The following PCDHGA2 variants were observed in gnomAD, a reference collection of about 807,000 sequenced individuals.
PCDHGA2 encodes protocadherin gamma-A2.
In PCDHGA2, 40 loss-of-function variants were observed where a neutral mutation model predicts 59.2. The observed-to-expected ratio is 0.68, with a 90% CI of 0.52 to 0.88. The LOEUF (loss-of-function observed/expected upper bound fraction) is 0.88. Ranked by LOEUF, PCDHGA2 falls within the 40% of genes least tolerant of loss-of-function variation. The pLI is 0.00. For synonymous variants in PCDHGA2, 560 were observed against 526.0 expected (o/e 1.06, Z -0.89); for missense variants, 1,226 against 1,204.0 (o/e 1.02, Z -0.27).
At chr5:141,356,697 A>G in intron 1 of PCDHGA2, 3 of 1,613,888 alleles carry the variant, frequency 1.9e-6, no homozygotes, top group Non-Finnish European at 2.5e-6. Context: ...TCCAGGGTGC[A>G]CCTCTGTCCT....
intron 1 of PCDHGA2, among the ~76,000 whole-genome samples, chr5:141,473,390 A>T (rs554428702): frequency 1.3e-5 from 2 of 152,190 alleles, no homozygotes; most frequent in Non-Finnish European, 2.9e-5. Flanking sequence ...GCCCTCCTGG[A>T]GCTTCTTTTT....
chr5:141,505,343 G>C (rs2099845454), intron 2 of PCDHGA2, 50 bp from the exon 3 acceptor site: 1 of 1,612,934 alleles, frequency 6.2e-7, no homozygotes, highest in Non-Finnish European at 8.5e-7. Context: ...GGAGGGGCAT[G>C]AGCTGTGCCG....
At chr5:141,345,274 A>T in intron 1 of PCDHGA2, 1 of 1,614,020 alleles carries the variant, frequency 6.2e-7, no homozygotes, top group Non-Finnish European at 8.5e-7. Context: ...GACCGCGAAC[A>T]AATATCAGAA....
In PCDHGA2 at chr5:141,419,577, C is replaced by A. The variant is rs1182305164; in HGVS notation, c.2425-75230C>A. ...CCTGCGCTGGGTCCCGACGGCTCCG[C>A]GCTCTTCGACACAGTGCCGCGGGCC... On this transcript the variant is annotated intron_variant, in intron 1 of 3. Coordinates refer to ENST00000394576, the MANE Select transcript of PCDHGA2 (RefSeq NM_018915.4). 3.1e-6 allele frequency: 5 copies of A among 1,611,732 alleles called. No individual in the cohort carries two copies. The South Asian group carries it at 5.5e-5, about 18-fold the overall frequency.
intron 1 of PCDHGA2, chr5:141,430,625 G>T: frequency 1.3e-6 from 1 of 788,104 alleles, no homozygotes; most frequent in Non-Finnish European, 1.9e-6. Context: ...AGCTAGGAAT[G>T]AACCATCCCT....
Position 141,408,693 on chromosome 5 carries a change from TAAACTC to T in PCDHGA2, c.2424+67301_2424+67306del, listed in dbSNP as rs1561714743. 1.9e-6 allele frequency: 3 copies of T among 1,613,768 alleles called. No homozygotes were observed. In the African/African-American group the frequency reaches 4.0e-5, roughly 22 times the overall value. On this transcript the variant is annotated intron_variant, in intron 1 of 3. Coordinates refer to ENST00000394576, the MANE Select transcript of PCDHGA2 (RefSeq NM_018915.4). The stretch of plus-strand genomic sequence containing the variant: ...CCTGCCACGGATCCTGATATAAACA[TAAACTC>T]AATTAAAGATTATAAGATAAACTCT...
chr5:141,503,630 A>G, intron 2 of PCDHGA2, among the ~76,000 whole-genome samples: 1 of 152,088 alleles, frequency 6.6e-6, no homozygotes, highest in Admixed American at 6.6e-5. Flanking sequence ...AAGAAAAGAA[A>G]TAATTATTGA....
chr5:141,356,729 A>T, intron 1 of PCDHGA2: 3 of 1,613,954 alleles, frequency 1.9e-6, no homozygotes, highest in Non-Finnish European at 2.5e-6. Context: ...ATCAACTCCA[A>T]TACAGGGATC....
rs1361609314 is a variant in PCDHGA2 at position 141,423,642 on chromosome 5, TGACCC to T, written c.2425-71161_2425-71157del. 6 of 1,596,888 alleles carry T rather than the reference TGACCC, an allele frequency of 3.8e-6. No individual in the cohort carries two copies. In the South Asian group the frequency reaches 5.7e-5, roughly 15 times the overall value. ...ACTCAGCTATCATTTTAGGCAAATGTGACCCGACAAGTAATCAGGTGAGATTTATT... is the reference window on the plus strand; with the variant it reads ...ACTCAGCTATCATTTTAGGCAAATGTGACAAGTAATCAGGTGAGATTTATT... On this transcript the variant is annotated intron_variant, in intron 1 of 3. Transcript: ENST00000394576.
rs746088154 is a variant in PCDHGA2 at position 141,338,959 on chromosome 5, C to A, written c.-13C>A. On this transcript the variant is annotated 5_prime_UTR_variant, in exon 1 of 4. Transcript: ENST00000394576. ...CTGGAAGTTGACTCGGAGAAAATTG[C>A]GACAGGAGGGAAATGGCGGCTCTGC... 6.6e-7 allele frequency: 1 copy of A among 1,523,888 alleles called. No homozygotes were observed. Among genetic ancestry groups the A allele is most frequent in the South Asian group, 1.3e-5 (1 of 76,634 alleles). The allele number at this position is 1,523,888 out of a possible 1,614,324, so 94.4% of individuals were successfully genotyped here.
chr5:141,461,639 C>T (rs1041604977), intron 1 of PCDHGA2, among the ~76,000 whole-genome samples: 12 of 152,088 alleles, frequency 7.9e-5, no homozygotes, highest in Non-Finnish European at 1.6e-4. Flanking sequence ...GCAATTTCTT[C>T]TTTGACCCAT....
At chr5:141,482,235 T>C (rs2099554999) in intron 1 of PCDHGA2, among the ~76,000 whole-genome samples, 1 of 152,174 alleles carries the variant, frequency 6.6e-6, no homozygotes, top group Non-Finnish European at 1.5e-5. Context: ...AAATTGCCAA[T>C]ATAAGTATAG....
Position 141,371,934 on chromosome 5 carries a change from G to T in PCDHGA2, c.2424+30539G>T, listed in dbSNP as rs1024560538. On this transcript the variant is annotated intron_variant, in intron 1 of 3. Coordinates refer to ENST00000394576, the MANE Select transcript of PCDHGA2 (RefSeq NM_018915.4). The stretch of plus-strand genomic sequence containing the variant: ...GTCCGTGAGCGCGCGGAGCGGGGTG[G>T]TGTTCGCGCAGCGAGCCTTCGACCA... The T allele has an allele frequency of 3.1e-6, 5 of 1,613,324 alleles. No individual in the cohort carries two copies. In the Admixed American group the frequency reaches 8.3e-5, roughly 27 times the overall value.
chr5:141,441,739 C>T, intron 1 of PCDHGA2: 1 of 365,272 alleles, frequency 2.7e-6, no homozygotes, highest in South Asian at 2.2e-5. Context: ...GACTAGCTCG[C>T]GCTCGGCGTC....
In PCDHGA2 at chr5:141,403,493, A is replaced by G. The variant is rs762825635; in HGVS notation, c.2424+62098A>G. The G allele has an allele frequency of 8.7e-6, 14 of 1,613,886 alleles. No homozygotes were observed. The highest frequency in any genetic ancestry group is 5.0e-5 in the Admixed American group (3 of 59,998). Reference sequence around the variant, plus strand: ...CAGCCCCAATCACCACTTCTCCCTGAACGTGCAGACTGGAGACAATGGAGC... The same window carrying G: ...CAGCCCCAATCACCACTTCTCCCTGGACGTGCAGACTGGAGACAATGGAGC... On this transcript the variant is annotated intron_variant, in intron 1 of 3. Coordinates refer to ENST00000394576, the MANE Select transcript of PCDHGA2 (RefSeq NM_018915.4).
intron 1 of PCDHGA2, among the ~76,000 whole-genome samples, chr5:141,446,882 G>A (rs1419213225): frequency 1.3e-5 from 2 of 152,086 alleles, no homozygotes; most frequent in African/African-American, 4.8e-5. Flanking sequence ...TATGTTTTGG[G>A]GTTCATGGCT....
intron 1 of PCDHGA2, chr5:141,374,086 G>T: frequency 6.5e-7 from 1 of 1,529,104 alleles, no homozygotes. Context: ...AGCCAGTAAT[G>T]GCGCCTCCGC....
intron 1 of PCDHGA2, chr5:141,383,173 C>A (rs1481900327): frequency 1.2e-6 from 2 of 1,614,064 alleles, no homozygotes; most frequent in South Asian, 1.1e-5. Context: ...CAGGATAGAC[C>A]GGGAAGAGAT....
At chr5:141,357,481 G>C in intron 1 of PCDHGA2, 1 of 1,614,224 alleles carries the variant, frequency 6.2e-7, no homozygotes, top group Non-Finnish European at 8.5e-7. Context: ...CTCCCTCACC[G>C]CGGACTCGCG....
Sources: gnomAD v4.1 joint callset for allele counts (sites outside exome capture counted in the v4.1 genomes callset) on GRCh38, gnomAD v4.1.1 for gene constraint, MANE v1.5 for transcripts, NCBI Gene and HGNC (gene_info 2026-07-23, HGNC 2026-07-21) for gene names.